The following OSTM1 variants were observed in gnomAD, a reference collection of about 807,000 sequenced individuals.
OSTM1 encodes the protein osteopetrosis-associated transmembrane protein 1.
Under a neutral mutation model 35.4 loss-of-function variants are expected in OSTM1, and 26 were observed. The observed-to-expected ratio is 0.73, with a 90% CI of 0.54 to 1.02. The LOEUF (loss-of-function observed/expected upper bound fraction) is 1.02, where lower values mean the gene tolerates loss of function less well. Ranked by LOEUF, OSTM1 falls within the 50% of genes least tolerant of loss-of-function variation. The pLI, the probability that OSTM1 is intolerant of heterozygous loss-of-function variation, is 0.00. For missense variants in OSTM1, 366 were observed against 409.6 expected (o/e 0.89, Z 0.92); for synonymous variants, 181 against 165.0 (o/e 1.10, Z -0.75).
intron 4 of OSTM1, among the ~76,000 whole-genome samples, chr6:108,050,243 C>T (rs563693239): frequency 2.7e-5 from 4 of 147,600 alleles, no homozygotes; most frequent in Non-Finnish European, 5.9e-5. Flanking sequence ...GGAAGACAGA[C>T]TAAAAATAAA....
In OSTM1 at chr6:108,041,710, A is replaced by G. The variant is rs1164540295; in HGVS notation, c.*3075T>C. 5 of 152,188 alleles carry G rather than the reference A, an allele frequency of 3.3e-5. No individual in the cohort carries two copies. The highest frequency in any genetic ancestry group is 1.2e-4 in the African/African-American group (5 of 41,446). 9.4% of individuals were successfully genotyped at this position (152,188 alleles called of 1,614,324 possible). A position where few individuals can be genotyped will look rare whatever the true frequency, so the allele number is the denominator to read the frequency against. On this transcript the variant is annotated 3_prime_UTR_variant, in exon 6 of 6. Transcript: ENST00000193322. Reference sequence around the variant, plus strand: ...CAAAGAATGACTGTTATAAATAAAGAGCTCTATGATGTTCCACTTATTTAG... The same window carrying G: ...CAAAGAATGACTGTTATAAATAAAGGGCTCTATGATGTTCCACTTATTTAG...
chr6:108,048,756 T>TC, intron 5 of OSTM1, among the ~76,000 whole-genome samples: 1 of 135,728 alleles, frequency 7.4e-6, no homozygotes, highest in South Asian at 2.6e-4. Context: ...TAACTTTTTT[T>TC]TTTTTTTTTT....
At chr6:108,069,884 T>C (rs533350578) in intron 1 of OSTM1, among the ~76,000 whole-genome samples, 1 of 152,210 alleles carries the variant, frequency 6.6e-6, no homozygotes, top group Non-Finnish European at 1.5e-5. Context: ...AATAGCTTAC[T>C]AGTTTCTGGC....
chr6:108,047,277 G>A (rs973183483), intron 5 of OSTM1, among the ~76,000 whole-genome samples: 1 of 152,110 alleles, frequency 6.6e-6, no homozygotes, highest in African/African-American at 2.4e-5. Context: ...AAGAGGGAAG[G>A]GCCTTGGAAA....
At chr6:108,068,878 G>C (rs1772429623) in intron 1 of OSTM1, among the ~76,000 whole-genome samples, 1 of 152,132 alleles carries the variant, frequency 6.6e-6, no homozygotes, top group Non-Finnish European at 1.5e-5. Context: ...CACATGACCT[G>C]GCACCTGTGT....
At chr6:108,067,816 C>T (rs1313648764) in intron 1 of OSTM1, among the ~76,000 whole-genome samples, 2 of 128,246 alleles carry the variant, frequency 1.6e-5, no homozygotes, top group African/African-American at 3.1e-5. Flanking sequence ...GTTGACAGAG[C>T]GAGCCTCTGT....
At chr6:108,069,974 A>C (rs7764597) in intron 1 of OSTM1, among the ~76,000 whole-genome samples, 4 of 151,988 alleles carry the variant, frequency 2.6e-5, no homozygotes, top group African/African-American at 2.4e-5. Context: ...GAAGGGTAGA[A>C]AGAATGCCTT....
intron 1 of OSTM1, 56 bp downstream of exon 1, chr6:108,074,194 C>T: frequency 1.3e-6 from 2 of 1,568,738 alleles, no homozygotes; most frequent in Admixed American, 3.4e-5. Flanking sequence ...ATCATTACAC[C>T]CTCCTCCTTT....
intron 1 of OSTM1, 23 bp downstream of exon 1, chr6:108,074,226 TC>T: frequency 6.2e-7 from 1 of 1,609,968 alleles, no homozygotes; most frequent in South Asian, 1.1e-5. Context: ...TGAGCCACAG[TC>T]CCGGACGTGG....
At chr6:108,047,964 A>C (rs1387148946) in intron 5 of OSTM1, among the ~76,000 whole-genome samples, 1 of 152,196 alleles carries the variant, frequency 6.6e-6, no homozygotes. Flanking sequence ...AGGTGCCCAC[A>C]ATATTTTGCT....
At chr6:108,073,730 C>A in intron 1 of OSTM1, 1 of 162,806 alleles carries the variant, frequency 6.1e-6, no homozygotes, top group East Asian at 1.8e-4. Flanking sequence ...GGCAATATCT[C>A]TTTTAATTCT....
Position 108,044,830 on chromosome 6 carries a change from G to A in OSTM1, c.960C>T (p.Leu320=), listed in dbSNP as rs201793834. 1 of 1,555,948 alleles carries A rather than the reference G, an allele frequency of 6.4e-7. No homozygotes were observed. The change falls in exon 6 of 6, where the codon CTC becomes CTT. Residue 320 remains leucine (L), a synonymous_variant. Transcript: ENST00000193322. ...KKRKLILPKR[L]KSSTSFANIQ... ...TATTTGCAAAACTGGTACTGGACTT[G>A]AGACGTTTGGCTAGATAAATCAAAA...
At chr6:108,071,347 C>G (rs1206273808) in intron 1 of OSTM1, among the ~76,000 whole-genome samples, 3 of 151,668 alleles carry the variant, frequency 2.0e-5, no homozygotes, top group Non-Finnish European at 4.4e-5. Context: ...ACTCTGTCCC[C>G]CAGGTTGGAG....
At chr6:108,057,473 G>C (rs971755052) in intron 2 of OSTM1, among the ~76,000 whole-genome samples, 1 of 152,134 alleles carries the variant, frequency 6.6e-6, no homozygotes, top group Admixed American at 6.5e-5. Context: ...TAACAATATA[G>C]GGATAAAAGG....
intron 2 of OSTM1, among the ~76,000 whole-genome samples, chr6:108,061,434 T>C (rs1772269079): frequency 6.6e-6 from 1 of 151,630 alleles, no homozygotes; most frequent in Non-Finnish European, 1.5e-5. Flanking sequence ...CTTACTGGTC[T>C]CTCTCTCTTC....
chr6:108,050,970 T>C (rs1466424010), intron 4 of OSTM1, 61 bp downstream of exon 4: 3 of 1,323,042 alleles, frequency 2.3e-6, no homozygotes, highest in African/African-American at 2.9e-5. Flanking sequence ...ATAATAATCA[T>C]ACTGAAGGTA....
intron 3 of OSTM1, among the ~76,000 whole-genome samples, chr6:108,053,533 C>T (rs1336612083): frequency 6.6e-6 from 1 of 152,132 alleles, no homozygotes; most frequent in African/African-American, 2.4e-5. Flanking sequence ...TTTTTTGAGA[C>T]AGAGTCTCTC....
chr6:108,073,730 CTT>C (rs1297640283), intron 1 of OSTM1: 2 of 162,806 alleles, frequency 1.2e-5, no homozygotes, highest in Admixed American at 5.9e-5. Context: ...GGCAATATCT[CTT>C]TTAATTCTTC....
At chr6:108,072,574 A>G (rs530793626) in intron 1 of OSTM1, among the ~76,000 whole-genome samples, 5 of 151,608 alleles carry the variant, frequency 3.3e-5, no homozygotes, top group Non-Finnish European at 7.4e-5. Flanking sequence ...CGGAGATTGC[A>G]GTGAGCCGAG....
Sources: allele counts gnomAD v4.1 joint callset (sites outside exome capture counted in the v4.1 genomes callset), GRCh38; gene constraint gnomAD v4.1.1; transcripts MANE v1.5; gene names NCBI Gene and HGNC (gene_info 2026-07-23, HGNC 2026-07-21).